The following SERPING1 variants were observed in gnomAD, a reference collection of about 807,000 sequenced individuals.
SERPING1 encodes the protein plasma protease C1 inhibitor.
A neutral mutation model predicts 34.1 loss-of-function variants in SERPING1; 5 were observed. That is an observed-to-expected ratio of 0.15 (90% CI 0.08 to 0.31). The LOEUF is 0.31. Ranked by LOEUF, SERPING1 falls within the 10% of genes least tolerant of loss-of-function variation. The probability of loss-of-function intolerance (pLI) is 1.00; values close to 1 mark genes in which losing one functional copy is unlikely to be tolerated. For missense variants in SERPING1, 505 were observed against 609.5 expected, an observed-to-expected ratio of 0.83 and a Z score of 1.81; for synonymous variants, 225 against 242.4, an observed-to-expected ratio of 0.93 and a Z score of 0.67.
In SERPING1 at chr11:57,600,408, A is replaced by T. The variant is rs781485120; in HGVS notation, c.550+31A>T. 4.3e-6 allele frequency: 7 copies of T among 1,611,356 alleles called. No individual in the cohort carries two copies. In the Admixed American group the frequency reaches 8.3e-5, roughly 19 times the overall value. The stretch of plus-strand genomic sequence containing the variant: ...ACCCTGCTTGAATTCTCTCCAGGTC[A>T]TTTGTTGGACACTCCCATAAGAGTC... On this transcript the variant is annotated intron_variant, in intron 3 of 7. Coordinates refer to ENST00000278407, the MANE Select transcript of SERPING1 (RefSeq NM_000062.3).
In SERPING1 at chr11:57,611,943, T is replaced by G; in HGVS notation, c.1249+7T>G. Reference sequence around the variant, plus strand: ...TCAATCATGGAGAAATTGGGTGAGCTCTGGCAGCTTAGGGTTACTCCCAGG... The same window carrying G: ...TCAATCATGGAGAAATTGGGTGAGCGCTGGCAGCTTAGGGTTACTCCCAGG... On this transcript the variant is annotated splice_region_variant and intron_variant, in intron 7 of 7. Transcript: ENST00000278407. 6.2e-7 allele frequency: 1 copy of G among 1,611,174 alleles called. No individual in the cohort carries two copies. The highest frequency in any genetic ancestry group is 8.5e-7 in the Non-Finnish European group (1 of 1,177,814).
At chr11:57,604,480 T>C (rs184548738) in intron 4 of SERPING1, among the ~76,000 whole-genome samples, 2 of 152,082 alleles carry the variant, frequency 1.3e-5, no homozygotes, top group Non-Finnish European at 2.9e-5. Context: ...GGGGAAGGGT[T>C]CACCACTTCC....
In SERPING1 at chr11:57,606,324, C is replaced by T; in HGVS notation, c.890-84C>T. On this transcript the variant is annotated intron_variant, in intron 5 of 7. Transcript: ENST00000278407. ...ACAATCGGATCTCAATGTCCCTGCA[C>T]TACTCTTTGCTAACAAGGCTTTTAG... is the stretch of plus-strand genomic sequence containing the variant. The T allele has an allele frequency of 6.9e-6, 11 of 1,598,144 alleles. No individual in the cohort carries two copies. The Admixed American group carries it at 1.2e-4, about 17-fold the overall frequency.
At chr11:57,601,708 C>T (rs1217508922) in intron 3 of SERPING1, among the ~76,000 whole-genome samples, 1 of 151,768 alleles carries the variant, frequency 6.6e-6, no homozygotes, top group Admixed American at 6.6e-5. Context: ...ACTAAAAATG[C>T]AAAAATTAGC....
intron 6 of SERPING1, among the ~76,000 whole-genome samples, chr11:57,609,234 C>T (rs778679230): frequency 6.6e-6 from 1 of 151,624 alleles, no homozygotes; most frequent in African/African-American, 2.4e-5. Context: ...GCCAAAATCG[C>T]GCCACTGCAC....
chr11:57,602,761 AAAAACAAAAAC>A (rs1262284864), intron 4 of SERPING1, among the ~76,000 whole-genome samples: 1 of 128,820 alleles, frequency 7.8e-6, no homozygotes, highest in Non-Finnish European at 1.6e-5. Context: ...TCTCAAAAAA[AAAAACAAAAAC>A]AAAACAAAAA....
chr11:57,606,102 G>A lies in SERPING1; in HGVS notation c.778G>A (p.Glu260Lys). The change falls in exon 5 of 8, where the codon GAG becomes AAG. Residue 260 changes from glutamate (E) to lysine (K), a missense_variant. Physicochemically the swap from Glu to Lys is moderately conservative, Grantham distance 56 (BLOSUM62 1). Transcript: ENST00000278407. ...AAGCAACAACAGTGACGCCAACTTG[G>A]AGCTCATCAACACCTGGGTGGCCAA... ...VLSNNSDANL[E>K]LINTWVAKNT... The A allele has an allele frequency of 6.2e-7, 1 of 1,614,064 alleles. No individual in the cohort carries two copies. The highest frequency in any genetic ancestry group is 8.5e-7 in the Non-Finnish European group (1 of 1,180,008).
intron 3 of SERPING1, among the ~76,000 whole-genome samples, chr11:57,600,644 C>T (rs1945338064): frequency 6.6e-6 from 1 of 152,130 alleles, no homozygotes; most frequent in African/African-American, 2.4e-5. Context: ...TGTTTCATGG[C>T]AAGGAGAGGT....
intron 7 of SERPING1, among the ~76,000 whole-genome samples, chr11:57,612,660 A>T (rs1170476848): frequency 6.6e-6 from 1 of 151,924 alleles, no homozygotes; most frequent in Non-Finnish European, 1.5e-5. Context: ...CTTGTGATCC[A>T]CCTGCCTCGG....
intron 3 of SERPING1, 136 bp from the exon 4 acceptor site, chr11:57,601,899 C>T: frequency 1.7e-6 from 1 of 604,410 alleles, no homozygotes; most frequent in South Asian, 1.6e-5. Flanking sequence ...TGAGAGAACA[C>T]TTCCAGCTCA....
chr11:57,600,292 C>T lies in SERPING1; in HGVS notation c.465C>T (p.His155=), dbSNP rs201627388. ...TAGATTTCTCCCTGAAGCTCTACCA[C>T]GCCTTCTCAGCAATGAAGAAGGTGG... The part of the protein sequence containing the change: ...ALVDFSLKLY[H]AFSAMKKVET... The change falls in exon 3 of 8, where the codon CAC becomes CAT. Residue 155 remains histidine, a synonymous_variant. Transcript: ENST00000278407. 2.4e-4 allele frequency: 382 copies of T among 1,613,902 alleles called. 1 individual carries two copies. Among genetic ancestry groups the T allele is most frequent in the Middle Eastern group, 1.7e-3 (10 of 5,954 alleles).
chr11:57,612,541 G>A (rs144417519), intron 7 of SERPING1, among the ~76,000 whole-genome samples: 1,905 of 151,690 alleles, frequency 0.013, 38 homozygotes, highest in African/African-American at 0.044. Flanking sequence ...AGCCTCCCGA[G>A]TAGCTGGGAC....
In SERPING1 at chr11:57,614,715, C is replaced by T; in HGVS notation, c.*134C>T. On this transcript the variant is annotated 3_prime_UTR_variant, in exon 8 of 8. Coordinates refer to ENST00000278407, the MANE Select transcript of SERPING1 (RefSeq NM_000062.3). ...TGTCCGCTATCCACCAAAAGGGCTC[C>T]CTGAGGGTCTGGGCAAGGGACCTGC... The T allele has an allele frequency of 9.2e-7, 1 of 1,081,578 alleles. No homozygotes were observed. Among genetic ancestry groups the T allele is most frequent in the South Asian group, 1.5e-5 (1 of 66,696 alleles). The allele number at this position is 1,081,578 out of a possible 1,614,324, so 67.0% of individuals were successfully genotyped here.
intron 4 of SERPING1, among the ~76,000 whole-genome samples, chr11:57,603,810 G>A (rs1945377189): frequency 6.9e-6 from 1 of 145,228 alleles, no homozygotes. Flanking sequence ...CTGCACTCCA[G>A]CCTGGGCAAC....
At chr11:57,600,567 G>A (rs1031634228) in intron 3 of SERPING1, among the ~76,000 whole-genome samples, 190 bp downstream of exon 3, 2 of 152,166 alleles carry the variant, frequency 1.3e-5, no homozygotes, top group African/African-American at 4.8e-5. Flanking sequence ...GATGTAATAG[G>A]CACGATTGCT....
intron 4 of SERPING1, among the ~76,000 whole-genome samples, chr11:57,604,780 A>G (rs1468686789): frequency 6.6e-6 from 1 of 151,692 alleles, no homozygotes; most frequent in Admixed American, 6.6e-5. Context: ...AGGTAGGAGG[A>G]TTGCTTGAGG....
At chr11:57,612,983 G>A (rs996729964) in intron 7 of SERPING1, among the ~76,000 whole-genome samples, 1 of 152,068 alleles carries the variant, frequency 6.6e-6, no homozygotes, top group African/African-American at 2.4e-5. Context: ...CTGGGCTCAA[G>A]TGATCCACCC....
chr11:57,613,424 C>G (rs1590830754), intron 7 of SERPING1, among the ~76,000 whole-genome samples: 1 of 152,156 alleles, frequency 6.6e-6, no homozygotes, highest in East Asian at 1.9e-4. Flanking sequence ...TGGAGATTCC[C>G]ACAACTCCCT....
rs1300638894 is a variant in SERPING1 at position 57,598,407 on chromosome 11, C to A, written c.51+86C>A. Reference sequence around the variant, plus strand: ...GTGCGGGCGGTGGCTGAGGATTAACCCTTCAGGCTCCGGGGAATGAGGAGA... The same window carrying A: ...GTGCGGGCGGTGGCTGAGGATTAACACTTCAGGCTCCGGGGAATGAGGAGA... On this transcript the variant is annotated intron_variant, in intron 2 of 7. Transcript: ENST00000278407. The A allele has an allele frequency of 2.3e-6, 3 of 1,309,848 alleles. No individual in the cohort carries two copies. The African/African-American group carries it at 4.4e-5, about 19-fold the overall frequency. The allele number at this position is 1,309,848 out of a possible 1,614,324, so 81.1% of individuals were successfully genotyped here.
Sources: allele counts gnomAD v4.1 joint callset (sites outside exome capture counted in the v4.1 genomes callset), GRCh38; gene constraint gnomAD v4.1.1; transcripts MANE v1.5; gene names NCBI Gene and HGNC (gene_info 2026-07-23, HGNC 2026-07-21).